The following MEIOSIN variants were observed in gnomAD, a reference collection of about 807,000 sequenced individuals.
MEIOSIN encodes the protein meiosis initiator, also known as meiosis initiator protein.
MEIOSIN carries 18 observed loss-of-function variants against 23.4 expected under a neutral mutation model. That is an observed-to-expected ratio of 0.77 (90% confidence interval 0.53 to 1.14). MEIOSIN has a LOEUF of 1.14. MEIOSIN is among the 50% of genes most tolerant of loss of function. MEIOSIN has a pLI of 0.00. For missense variants in MEIOSIN, 428 were observed against 242.9 expected (o/e 1.76, Z -5.07); for synonymous variants, 187 against 100.6 (o/e 1.86, Z -5.14).
At chr19:45,757,490 T>C (rs4802276) in intron 9 of MEIOSIN, among the ~76,000 whole-genome samples, 81,795 of 152,094 alleles carry the variant, frequency 0.54, 22,701 homozygotes, top group East Asian at 0.65. Flanking sequence ...AGCCCAGACA[T>C]GGCCTCAGAA....
chr19:45,764,510 A>T lies in MEIOSIN; in HGVS notation c.*392A>T, dbSNP rs574286231. 5.4e-5 allele frequency: 9 copies of T among 165,786 alleles called. No individual in the cohort carries two copies. The highest frequency in any genetic ancestry group is 1.0e-4 in the Non-Finnish European group (8 of 77,522). The allele number at this position is 165,786 out of a possible 1,614,324, so 10.3% of individuals were successfully genotyped here. ...TTAGACTATTTATTGTTTTAAATAA[A>T]ATAAAGCAAGTGGAACCTTTGTTAC... On this transcript the variant is annotated 3_prime_UTR_variant, in exon 15 of 15. Transcript: ENST00000457052.
chr19:45,757,280 G>A lies in MEIOSIN; in HGVS notation c.1012+3G>A. ...GACCCCAGAGAACAGCCCCCAAGGT[G>A]ACTGCAACTCTGTCTCTCCTCCTTG... On this transcript the variant is annotated splice_donor_region_variant and intron_variant, in intron 9 of 14. Coordinates refer to ENST00000457052, the MANE Select transcript of MEIOSIN (RefSeq NM_001310124.2). 1 of 702,066 alleles carries A rather than the reference G, an allele frequency of 1.4e-6. No homozygotes were observed. Among genetic ancestry groups the A allele is most frequent in the African/African-American group, 1.7e-5 (1 of 57,364 alleles). 43.5% of individuals were successfully genotyped at this position (702,066 alleles called of 1,614,324 possible).
intron 2 of MEIOSIN, among the ~76,000 whole-genome samples, chr19:45,736,910 C>T (rs1378830666): frequency 6.8e-6 from 1 of 147,434 alleles, no homozygotes; most frequent in Non-Finnish European, 1.5e-5. Context: ...CTCTTGCTGC[C>T]CAGGCTGGAC....
intron 8 of MEIOSIN, 88 bp from the exon 9 acceptor site, chr19:45,757,089 A>T (rs1414812561): frequency 1.5e-6 from 1 of 651,520 alleles, no homozygotes; most frequent in East Asian, 2.7e-5. Flanking sequence ...GCACTCCCCC[A>T]GGGGCCAGTG....
chr19:45,749,373 CAAAA>C (rs750228351), intron 4 of MEIOSIN, among the ~76,000 whole-genome samples: 1 of 55,658 alleles, frequency 1.8e-5, no homozygotes. Context: ...GACCCTGTCT[CAAAA>C]AAAAAAAAAA....
chr19:45,750,067 C>T (rs1010515174), intron 4 of MEIOSIN, among the ~76,000 whole-genome samples: 4 of 147,848 alleles, frequency 2.7e-5, no homozygotes, highest in African/African-American at 9.9e-5. Context: ...AGCCAGGGCT[C>T]AAGACAACGT....
intron 4 of MEIOSIN, among the ~76,000 whole-genome samples, chr19:45,750,361 T>C (rs1237882175): frequency 1.1e-4 from 4 of 36,354 alleles, no homozygotes; most frequent in African/African-American, 2.0e-4. Flanking sequence ...TTTCTTTTTC[T>C]TTTTTTTTTT....
At chr19:45,747,787 G>C (rs1216159761) in intron 4 of MEIOSIN, among the ~76,000 whole-genome samples, 1 of 152,166 alleles carries the variant, frequency 6.6e-6, no homozygotes. Flanking sequence ...AAGAGAGACA[G>C]AGAGAAAGAG....
intron 2 of MEIOSIN, among the ~76,000 whole-genome samples, chr19:45,735,884 C>G (rs1446008259): frequency 6.6e-6 from 1 of 152,118 alleles, no homozygotes; most frequent in Non-Finnish European, 1.5e-5. Context: ...GCCATTTTCC[C>G]CAGGCTAGTC....
chr19:45,743,329 T>C (rs1168846133), intron 3 of MEIOSIN, among the ~76,000 whole-genome samples: 1 of 152,160 alleles, frequency 6.6e-6, no homozygotes, highest in South Asian at 2.1e-4. Flanking sequence ...CTGAGTTGTT[T>C]CTTGTCGGGT....
Position 45,761,851 on chromosome 19 carries a change from T to C in MEIOSIN, c.1418T>C (p.Leu473Pro), listed in dbSNP as rs1488502474. The C allele has an allele frequency of 1.5e-6, 1 of 676,780 alleles. No individual in the cohort carries two copies. The highest frequency in any genetic ancestry group is 2.1e-5 in the Admixed American group (1 of 48,204). The allele number at this position is 676,780 out of a possible 1,614,324, so 41.9% of individuals were successfully genotyped here. A position where few individuals can be genotyped will look rare whatever the true frequency, so the allele number is the denominator to read the frequency against. ...TCGGAGGACAGCGACTCGGAGCCCC[T>C]GTGGAAGCAGCGAGAGGTGAGAGAC... ...SSSEDSDSEP[L>P]WKQREDMQAN... is the part of the protein sequence containing the mutation. Residue 473 changes from leucine (L) to proline (P), a missense_variant, in exon 12 of 15, where the codon CTG becomes CCG. By Grantham distance (98) the Leu-to-Pro change is moderately conservative. Transcript: ENST00000457052.
At chr19:45,760,450 T>C (rs906485256) in intron 11 of MEIOSIN, among the ~76,000 whole-genome samples, 11 of 149,974 alleles carry the variant, frequency 7.3e-5, no homozygotes, top group Non-Finnish European at 4.4e-5. Context: ...CTACTAAAAA[T>C]ACAAAATTAG....
At chr19:45,738,196 A>C (rs527946685) in intron 2 of MEIOSIN, among the ~76,000 whole-genome samples, 3 of 152,360 alleles carry the variant, frequency 2.0e-5, no homozygotes, top group Admixed American at 1.3e-4. Flanking sequence ...AGAAAAAATA[A>C]GGCCAAAGTT....
intron 3 of MEIOSIN, among the ~76,000 whole-genome samples, chr19:45,743,175 G>A (rs1319669989): frequency 6.6e-6 from 1 of 152,130 alleles, no homozygotes; most frequent in Non-Finnish European, 1.5e-5. Context: ...TCTAACCTCT[G>A]TGTTTACCCA....
chr19:45,764,079 G>A lies in MEIOSIN; in HGVS notation c.1878G>A (p.Leu626=), dbSNP rs1969007636. Residue 626 remains leucine, a synonymous_variant, in exon 15 of 15, where the codon CTG becomes CTA. Coordinates refer to ENST00000457052, the MANE Select transcript of MEIOSIN (RefSeq NM_001310124.2). ...WETPKPFYQL[L]AEKALPLPPH... ...CGCCAAAGCCCTTCTACCAGCTGCT[G>A]GCCGAGAAGGCCTTGCCGCTGCCCC... The A allele has an allele frequency of 4.3e-5, 17 of 398,538 alleles. No homozygotes were observed. Among genetic ancestry groups the A allele is most frequent in the Non-Finnish European group, 8.8e-6 (2 of 226,074 alleles). 24.7% of individuals were successfully genotyped at this position (398,538 alleles called of 1,614,324 possible).
chr19:45,763,572 T>C (rs17650574), intron 14 of MEIOSIN, 145 bp downstream of exon 14: 14,143 of 397,396 alleles, frequency 0.036, 326 homozygotes, highest in Non-Finnish European at 0.047. Flanking sequence ...TATGAAACCC[T>C]TGGGGGTGAC....
At chr19:45,741,019 C>T (rs1311118852) in intron 3 of MEIOSIN, among the ~76,000 whole-genome samples, 4 of 151,982 alleles carry the variant, frequency 2.6e-5, no homozygotes, top group Non-Finnish European at 5.9e-5. Context: ...TCTGTGGGCC[C>T]TATACAATTT....
intron 14 of MEIOSIN, 39 bp from the exon 15 acceptor site, chr19:45,763,932 G>A (rs1454166562): frequency 2.5e-5 from 10 of 398,658 alleles, no homozygotes; most frequent in Non-Finnish European, 3.5e-5. Flanking sequence ...CCCGGGAGGC[G>A]AGTGAGGAAG....
chr19:45,758,668 G>T (rs1968882034), intron 9 of MEIOSIN, among the ~76,000 whole-genome samples: 1 of 152,276 alleles, frequency 6.6e-6, no homozygotes, highest in African/African-American at 2.4e-5. Context: ...GATCTCAAAT[G>T]ATCCGCCCAC....
Sources: gnomAD v4.1 joint callset for allele counts (sites outside exome capture counted in the v4.1 genomes callset) on GRCh38, gnomAD v4.1.1 for gene constraint, MANE v1.5 for transcripts, NCBI Gene and HGNC (gene_info 2026-07-23, HGNC 2026-07-21) for gene names.